Variants in RASAL2 observed in about 807,000 individuals in gnomAD.
RASAL2 encodes ras GTPase-activating protein nGAP.
RASAL2 carries 58 observed loss-of-function variants against 128.9 expected under a neutral mutation model. The observed-to-expected ratio is 0.45, with a 90% CI of 0.36 to 0.56. RASAL2 has a LOEUF of 0.56. RASAL2 is among the 20% of genes least tolerant of loss of function. RASAL2 has a pLI of 0.00. For synonymous variants in RASAL2, 561 were observed against 580.8 expected, an observed-to-expected ratio of 0.97 and a Z score of 0.49; for missense variants, 1,360 against 1,601.6, an observed-to-expected ratio of 0.85 and a Z score of 2.57.
At chr1:178,258,717 A>C (rs1665507884) in intron 1 of RASAL2, among the ~76,000 whole-genome samples, 1 of 152,206 alleles carries the variant, frequency 6.6e-6, no homozygotes, top group Non-Finnish European at 1.5e-5. Context: ...CAAACAATTA[A>C]AATAACATTA....
At chr1:178,456,334 G>T in intron 12 of RASAL2, 1 of 257,880 alleles carries the variant, frequency 3.9e-6, no homozygotes, top group Non-Finnish European at 7.6e-6. Context: ...TGGTTAGAAG[G>T]AATTTGGTTC....
At chr1:178,414,206 A>T (rs1674600200) in intron 4 of RASAL2, among the ~76,000 whole-genome samples, 1 of 152,168 alleles carries the variant, frequency 6.6e-6, no homozygotes, top group South Asian at 2.1e-4. Context: ...AATTGTTCAA[A>T]CCATCTTAAA....
chr1:178,302,156 T>C (rs558016477), intron 3 of RASAL2, among the ~76,000 whole-genome samples: 1 of 152,356 alleles, frequency 6.6e-6, no homozygotes, highest in South Asian at 2.1e-4. Flanking sequence ...TCCAAGTGAT[T>C]TGTCTTTAGC....
chr1:178,254,448 T>G (rs1434207697), intron 1 of RASAL2, among the ~76,000 whole-genome samples: 1 of 152,212 alleles, frequency 6.6e-6, no homozygotes, highest in Non-Finnish European at 1.5e-5. Context: ...GTGAAATTAT[T>G]GAAACTTATA....
chr1:178,334,689 T>G (rs1669501586), intron 3 of RASAL2, among the ~76,000 whole-genome samples: 3 of 152,312 alleles, frequency 2.0e-5, no homozygotes, highest in Admixed American at 2.0e-4. Context: ...ATAGGAACTT[T>G]AAAAAATAAT....
chr1:178,442,836 T>C lies in RASAL2; in HGVS notation c.1089T>C (p.His363=). Residue 363 remains histidine (H), a synonymous_variant, in exon 8 of 18, where the codon CAT becomes CAC. Coordinates refer to ENST00000367649, the MANE Select transcript of RASAL2 (RefSeq NM_170692.4). ...CAGACAATATTTTCTGGGGCGAACA[T>C]TTTGAATTCTTCAGCCTTCCACCTC... The part of the protein sequence containing the change: ...TKADNIFWGE[H]FEFFSLPPLH... 1.2e-6 allele frequency: 2 copies of C among 1,614,006 alleles called. No individual in the cohort carries two copies. The highest frequency in any genetic ancestry group is 1.7e-6 in the Non-Finnish European group (2 of 1,179,942).
intron 17 of RASAL2, among the ~76,000 whole-genome samples, chr1:178,471,517 T>C (rs1307900087): frequency 6.6e-6 from 1 of 152,236 alleles, no homozygotes; most frequent in Non-Finnish European, 1.5e-5. Context: ...GGGTCATTAA[T>C]AGTGCTGATT....
intron 5 of RASAL2, among the ~76,000 whole-genome samples, chr1:178,423,422 A>G (rs1174271637): frequency 6.6e-6 from 1 of 152,136 alleles, no homozygotes. Flanking sequence ...TTTCCATTTT[A>G]TCAATATGTT....
intron 2 of RASAL2, among the ~76,000 whole-genome samples, chr1:178,296,974 A>G (rs201392217): frequency 2.0e-4 from 29 of 147,918 alleles, no homozygotes; most frequent in Non-Finnish European, 3.2e-4. Context: ...CACCCAGCCA[A>G]TTTTTTTTTT....
intron 3 of RASAL2, among the ~76,000 whole-genome samples, chr1:178,333,337 A>G (rs1052384842): frequency 1.3e-5 from 2 of 152,160 alleles, no homozygotes; most frequent in Non-Finnish European, 2.9e-5. Flanking sequence ...AGATTTATTA[A>G]TATCTCTTTT....
At chr1:178,117,478 A>T (rs138312997) in intron 1 of RASAL2, among the ~76,000 whole-genome samples, 2 of 152,222 alleles carry the variant, frequency 1.3e-5, no homozygotes, top group South Asian at 4.1e-4. Context: ...AATAAAGCAC[A>T]ATTAGGATGT....
At chr1:178,279,071 A>G (rs975433114) in intron 1 of RASAL2, among the ~76,000 whole-genome samples, 6 of 152,218 alleles carry the variant, frequency 3.9e-5, no homozygotes, top group African/African-American at 1.4e-4. Context: ...GGCAGGCCAA[A>G]TGACTTAGTA....
rs189041720 is a variant in RASAL2, at chr1:178,281,617, C to T, written c.203-1947C>T. Among the ~76,000 whole-genome samples the T allele has an allele frequency of 3.5e-4, 53 of 152,170 alleles. No individual in the cohort carries two copies. In the East Asian group the frequency reaches 9.5e-3, roughly 27 times the overall value. On this transcript the variant is annotated intron_variant, in intron 1 of 17. Transcript: ENST00000367649. ...TTAATTTACAGTAAAGCTTACAGTA[C>T]GCAGTTTAGGTCACCCATGGCTAAC...
rs758815790 is a variant in RASAL2 at position 178,445,640 on chromosome 1, A to G, written c.1605A>G (p.Gln535=). 3 of 1,613,352 alleles carry G rather than the reference A, an allele frequency of 1.9e-6. No individual in the cohort carries two copies. The highest frequency in any genetic ancestry group is 4.5e-5 in the East Asian group (2 of 44,854). The change falls in exon 9 of 18, where the codon CAA becomes CAG. Residue 535 remains glutamine, a synonymous_variant. Coordinates refer to ENST00000367649, the MANE Select transcript of RASAL2 (RefSeq NM_170692.4). ...AGGAATACCTCAAGTTGGTGGGACA[A>G]CAGTATCTTCATGACGCACTGGGTA... ...SIEEYLKLVG[Q]QYLHDALGEF...
chr1:178,344,016 G>T (rs2102412858), intron 3 of RASAL2, among the ~76,000 whole-genome samples: 1 of 152,194 alleles, frequency 6.6e-6, no homozygotes, highest in South Asian at 2.1e-4. Flanking sequence ...ATAGTGAAAT[G>T]AGTGGCATAA....
intron 1 of RASAL2, among the ~76,000 whole-genome samples, chr1:178,166,245 T>G (rs1661511923): frequency 6.6e-6 from 1 of 152,170 alleles, no homozygotes; most frequent in African/African-American, 2.4e-5. Context: ...AATATTAATG[T>G]GATCATTTAA....
intron 3 of RASAL2, among the ~76,000 whole-genome samples, chr1:178,361,174 A>T (rs2102478395): frequency 6.6e-6 from 1 of 152,352 alleles, no homozygotes; most frequent in South Asian, 2.1e-4. Flanking sequence ...AAGATCAAAT[A>T]GGGCATGCTT....
intron 1 of RASAL2, among the ~76,000 whole-genome samples, chr1:178,161,374 G>T (rs757527869): frequency 6.6e-6 from 1 of 152,076 alleles, no homozygotes; most frequent in Non-Finnish European, 1.5e-5. Context: ...AGAATATACA[G>T]TATGGACTTT....
intron 6 of RASAL2, among the ~76,000 whole-genome samples, chr1:178,440,235 G>T (rs1557990844): frequency 6.6e-6 from 1 of 151,780 alleles, no homozygotes; most frequent in Non-Finnish European, 1.5e-5. Flanking sequence ...TTAGGGCTGA[G>T]ATTTGATTAA....
Sources: gnomAD v4.1 joint callset for allele counts (sites outside exome capture counted in the v4.1 genomes callset) on GRCh38, gnomAD v4.1.1 for gene constraint, MANE v1.5 for transcripts, NCBI Gene and HGNC (gene_info 2026-07-23, HGNC 2026-07-21) for gene names.